Variants in TYW1B observed in about 807,000 individuals in gnomAD.
TYW1B encodes tRNA-yW synthesizing protein 1 homolog B, also known as S-adenosyl-L-methionine-dependent tRNA 4-demethylwyosine synthase TYW1B.
In TYW1B, 73 loss-of-function variants were observed where a neutral mutation model predicts 86.9. The observed-to-expected ratio is 0.84, with a 90% CI of 0.70 to 1.02. The LOEUF (loss-of-function observed/expected upper bound fraction) is 1.02. Ranked by LOEUF, TYW1B falls within the 50% of genes least tolerant of loss-of-function variation. The pLI, the probability that TYW1B is intolerant of heterozygous loss-of-function variation, is 0.00. For missense variants in TYW1B, 637 were observed against 827.4 expected (o/e 0.77, Z 2.82); for synonymous variants, 248 against 292.8 (o/e 0.85, Z 1.56).
intron 7 of TYW1B, among the ~76,000 whole-genome samples, chr7:72,745,851 GGTGTGTGTGTGTGTGTGTGTGTGT>G (rs1162824267): frequency 1.1e-4 from 8 of 75,156 alleles, no homozygotes; most frequent in Admixed American, 1.0e-3. Flanking sequence ...CGTGTATAGG[GGTGTGTGTGTGTGTGTGTGTGTGT>G]GTGTGTGTGT....
intron 9 of TYW1B, among the ~76,000 whole-genome samples, chr7:72,716,767 T>C (rs1585925690): frequency 6.6e-6 from 1 of 151,596 alleles, no homozygotes; most frequent in Admixed American, 6.6e-5. Flanking sequence ...GCCTCCTCAG[T>C]ATCTGGGACT....
At chr7:72,630,437 T>C (rs564173005) in intron 11 of TYW1B, among the ~76,000 whole-genome samples, 2 of 151,448 alleles carry the variant, frequency 1.3e-5, no homozygotes, top group Non-Finnish European at 2.9e-5. Flanking sequence ...CTGTAGCAAA[T>C]GCCCAGGTAA....
intron 11 of TYW1B, among the ~76,000 whole-genome samples, chr7:72,649,573 A>G (rs1813011422): frequency 6.6e-6 from 1 of 152,162 alleles, no homozygotes; most frequent in South Asian, 2.1e-4. Context: ...CACAAAATCT[A>G]TCCATCACTC....
chr7:72,703,832 G>A (rs1367481245), intron 10 of TYW1B, among the ~76,000 whole-genome samples: 1 of 150,800 alleles, frequency 6.6e-6, no homozygotes, highest in Non-Finnish European at 1.5e-5. Flanking sequence ...TCCAGGCTGG[G>A]TGACAGGGTG....
At chr7:72,688,046 CAT>C (rs782759008) in intron 11 of TYW1B, among the ~76,000 whole-genome samples, 1 of 151,974 alleles carries the variant, frequency 6.6e-6, no homozygotes. Context: ...TAATTAATAA[CAT>C]ATATATAGTT....
intron 8 of TYW1B, among the ~76,000 whole-genome samples, chr7:72,741,061 T>C (rs1787295513): frequency 1.3e-5 from 2 of 152,072 alleles, no homozygotes; most frequent in African/African-American, 4.8e-5. Context: ...AACATTTCTT[T>C]GCATACAAAC....
rs782767076 is a variant in TYW1B, at chr7:72,807,106, C to A, written c.683G>T (p.Gly228Val). The change falls in exon 5 of 14, where the codon GGA becomes GTA. Residue 228 changes from glycine (G) to valine (V), a missense_variant. By Grantham distance (109) the Gly-to-Val change is moderately radical. Coordinates refer to ENST00000620995, the MANE Select transcript of TYW1B (RefSeq NM_001145440.3). ...ATGCAATTCGTCCTGCTCTTGAGAT[C>A]CTTCCTCCCTCTCCTCTGAGCCATG... ...HQHGSEEREEGSQEQDELHHR... is the reference protein window; with the variant it reads ...HQHGSEEREEVSQEQDELHHR... 5.6e-6 allele frequency: 9 copies of A among 1,614,038 alleles called. No individual in the cohort carries two copies. The highest frequency in any genetic ancestry group is 1.1e-5 in the South Asian group (1 of 91,074).
At position 72,627,512 on chromosome 7, in the gene TYW1B, T is replaced by TAACATAACATAAATA. The variant is rs782405637; in HGVS notation, c.1617+1374_1617+1375insTATTTATGTTATGTT. Among the ~76,000 whole-genome samples, 570 of 142,748 alleles carry TAACATAACATAAATA rather than the reference T, an allele frequency of 4.0e-3. 2 individuals are homozygous for TAACATAACATAAATA. The highest frequency in any genetic ancestry group is 0.018 in the East Asian group (79 of 4,478). The allele number at this position is 142,748 out of a possible 152,430, so 93.6% of individuals were successfully genotyped here. ...TAACATAACATAACATAACATAACA[T>TAACATAACATAAATA]AAATAAAATAAAATAAAATAAAATG... On this transcript the variant is annotated intron_variant, in intron 12 of 13. Transcript: ENST00000620995.
intron 13 of TYW1B, among the ~76,000 whole-genome samples, chr7:72,576,800 C>T (rs1811033383): frequency 6.6e-6 from 1 of 151,790 alleles, no homozygotes; most frequent in African/African-American, 2.4e-5. Flanking sequence ...GCGTGAGCCA[C>T]CACACCCGGC....
chr7:72,699,533 C>A (rs1554452087), intron 10 of TYW1B, among the ~76,000 whole-genome samples: 1 of 152,194 alleles, frequency 6.6e-6, no homozygotes, highest in Non-Finnish European at 1.5e-5. Context: ...ACCTCTTAAC[C>A]ACAATTTAAA....
intron 13 of TYW1B, among the ~76,000 whole-genome samples, chr7:72,591,387 A>T (rs1811391327): frequency 6.6e-6 from 1 of 152,206 alleles, no homozygotes; most frequent in Non-Finnish European, 1.5e-5. Context: ...ACACACCAAG[A>T]CACATTATAA....
At chr7:72,611,520 C>T (rs373121041) in intron 13 of TYW1B, among the ~76,000 whole-genome samples, 2 of 152,094 alleles carry the variant, frequency 1.3e-5, no homozygotes, top group South Asian at 2.1e-4. Context: ...TCTTTTCTCT[C>T]GTCTGCCACC....
intron 11 of TYW1B, among the ~76,000 whole-genome samples, chr7:72,639,167 T>C (rs1389945558): frequency 3.3e-5 from 5 of 152,118 alleles, no homozygotes; most frequent in Non-Finnish European, 7.4e-5. Flanking sequence ...TGAGATACAT[T>C]TGAATTTTCA....
In TYW1B at chr7:72,663,608, T is replaced by C. The variant is rs1404842199; in HGVS notation, c.1506+31079A>G. ...CCCGTCTTTACTAAATATATATATA[T>C]AAAAAATTAGCCGGGCGTGGTGGCA... is the stretch of plus-strand genomic sequence containing the variant. On this transcript the variant is annotated intron_variant, in intron 11 of 13. Coordinates refer to ENST00000620995, the MANE Select transcript of TYW1B (RefSeq NM_001145440.3). Among the ~76,000 whole-genome samples the C allele has an allele frequency of 8.6e-5, 13 of 151,080 alleles. 1 individual carries two copies. The Middle Eastern group carries it at 0.01, about 119-fold the overall frequency.
intron 11 of TYW1B, among the ~76,000 whole-genome samples, chr7:72,632,463 A>ATATATAAAAAATATATATATACG (rs1812557908): frequency 9.1e-6 from 1 of 109,898 alleles, no homozygotes; most frequent in African/African-American, 4.4e-5. Context: ...ATATATATAC[A>ATATATAAAAAATATATATATACG]TATATATATA....
chr7:72,735,121 G>A (rs560101591), intron 8 of TYW1B, among the ~76,000 whole-genome samples: 1 of 152,272 alleles, frequency 6.6e-6, no homozygotes, highest in African/African-American at 2.4e-5. Context: ...CAAAGGAAAG[G>A]AAATCAGTAT....
At chr7:72,644,910 C>T (rs4329159) in intron 11 of TYW1B, among the ~76,000 whole-genome samples, 3,913 of 151,092 alleles carry the variant, frequency 0.026, 253 homozygotes, top group East Asian at 0.21. Flanking sequence ...TCACTGCAAC[C>T]TCTGCCTCCC....
chr7:72,632,354 AT>A (rs1563038571), intron 11 of TYW1B, among the ~76,000 whole-genome samples: 2 of 123,038 alleles, frequency 1.6e-5, no homozygotes, highest in South Asian at 4.6e-4. Flanking sequence ...TATTATATAT[AT>A]TATATATATA....
At chr7:72,695,601 C>T (rs1367963432) in intron 10 of TYW1B, among the ~76,000 whole-genome samples, 2 of 152,116 alleles carry the variant, frequency 1.3e-5, no homozygotes, top group South Asian at 2.1e-4. Context: ...TCTTTTCCCC[C>T]GGCCCAGTCC....
Sources: allele counts gnomAD v4.1 joint callset (sites outside exome capture counted in the v4.1 genomes callset), GRCh38; gene constraint gnomAD v4.1.1; transcripts MANE v1.5; gene names NCBI Gene and HGNC (gene_info 2026-07-23, HGNC 2026-07-21).